MAP4K5: variants seen among roughly 807,000 people sequenced by gnomAD.
The protein encoded by MAP4K5 is mitogen-activated protein kinase kinase kinase kinase 5.
MAP4K5 carries 82 observed loss-of-function variants against 135.6 expected under a neutral mutation model. That is an observed-to-expected ratio of 0.60 (90% CI 0.51 to 0.73). The LOEUF is 0.73. Among genes scored for constraint, MAP4K5 ranks in the 30% least tolerant of loss-of-function variants. The pLI is 0.00. For synonymous variants in MAP4K5, 347 were observed against 335.0 expected (o/e 1.04, Z -0.39); for missense variants, 907 against 1,010.9 (o/e 0.90, Z 1.39).
At chr14:50,515,846 T>C (rs2038023879) in intron 2 of MAP4K5, among the ~76,000 whole-genome samples, 1 of 152,176 alleles carries the variant, frequency 6.6e-6, no homozygotes, top group African/African-American at 2.4e-5. Context: ...AACCATCTAT[T>C]TCTAGGGCAC....
chr14:50,437,359 T>C, intron 26 of MAP4K5, 117 bp downstream of exon 26: 1 of 765,552 alleles, frequency 1.3e-6, no homozygotes, highest in Non-Finnish European at 2.1e-6. Context: ...AACTTCTTAC[T>C]AAACACAAAT....
At chr14:50,422,734 T>C (rs191478810) in intron 32 of MAP4K5, among the ~76,000 whole-genome samples, 4 of 152,244 alleles carry the variant, frequency 2.6e-5, no homozygotes, top group Admixed American at 2.6e-4. Flanking sequence ...CTTTAGAAAC[T>C]GAACCAGGCA....
At chr14:50,465,776 C>A (rs990100231) in intron 11 of MAP4K5, among the ~76,000 whole-genome samples, 7 of 152,028 alleles carry the variant, frequency 4.6e-5, no homozygotes, top group Non-Finnish European at 8.8e-5. Flanking sequence ...TATGAGAACA[C>A]TGGATTATAA....
chr14:50,443,748 G>A lies in MAP4K5; in HGVS notation c.1460C>T (p.Pro487Leu), dbSNP rs752548750. 6 of 1,599,508 alleles carry A rather than the reference G, an allele frequency of 3.8e-6. No homozygotes were observed. The highest frequency in any genetic ancestry group is 5.1e-6 in the Non-Finnish European group (6 of 1,175,978). Reference sequence around the variant, plus strand: ...CCTTACCAGAACTTTTGGGGTGGGTGGAAGGCCATTGATGGCTGGTTTCTA... The same window carrying A: ...CCTTACCAGAACTTTTGGGGTGGGTAGAAGGCCATTGATGGCTGGTTTCTA... ...DFPKPAINGL[P>L]PTPKVLMGAC... Residue 487 changes from proline to leucine, a missense_variant, in exon 20 of 33, where the codon CCA (proline) becomes CTA (leucine). Pro to Leu is a moderately conservative substitution (Grantham distance 98, BLOSUM62 -3). This residue lies in a region of MAP4K5 where 690 missense variants were observed against 777.4 expected (regional missense o/e 0.89). Coordinates refer to ENST00000682126, the MANE Select transcript of MAP4K5 (RefSeq NM_006575.6).
chr14:50,548,465 G>A (rs2038662021), intron 1 of MAP4K5, among the ~76,000 whole-genome samples: 1 of 152,150 alleles, frequency 6.6e-6, no homozygotes, highest in Non-Finnish European at 1.5e-5. Context: ...AGGGTTTGTG[G>A]CAAAAGCAGC....
intron 16 of MAP4K5, 143 bp from the exon 17 acceptor site, chr14:50,446,264 A>T (rs1280469316): frequency 3.2e-5 from 16 of 494,742 alleles, no homozygotes; most frequent in Non-Finnish European, 2.5e-5. Context: ...AATCTTTAGG[A>T]AGACCTAAGA....
intron 30 of MAP4K5, among the ~76,000 whole-genome samples, chr14:50,428,189 C>A (rs1221150014): frequency 1.3e-5 from 2 of 152,058 alleles, no homozygotes; most frequent in Admixed American, 1.3e-4. Flanking sequence ...AAATGTAGCA[C>A]TAATCATGTT....
intron 2 of MAP4K5, among the ~76,000 whole-genome samples, chr14:50,542,098 T>A (rs2038571308): frequency 6.6e-6 from 1 of 150,854 alleles, no homozygotes; most frequent in Non-Finnish European, 1.5e-5. Context: ...AAGGCAACTC[T>A]TGATTTACTT....
chr14:50,468,860 G>T, intron 9 of MAP4K5, 78 bp from the exon 10 acceptor site: 1 of 1,371,802 alleles, frequency 7.3e-7, no homozygotes. Context: ...ATAATCACCA[G>T]ACTTGTTGGA....
chr14:50,512,233 A>T (rs1429828758), intron 2 of MAP4K5, among the ~76,000 whole-genome samples: 2 of 152,178 alleles, frequency 1.3e-5, no homozygotes, highest in Admixed American at 1.3e-4. Flanking sequence ...TAATTTAAAG[A>T]TAAATTATTT....
At chr14:50,464,494 C>T (rs761182761) in intron 11 of MAP4K5, among the ~76,000 whole-genome samples, 7 of 151,910 alleles carry the variant, frequency 4.6e-5, no homozygotes, top group Middle Eastern at 3.2e-3. Flanking sequence ...AAGAGTTGGA[C>T]GGCACGAAAG....
intron 2 of MAP4K5, among the ~76,000 whole-genome samples, chr14:50,521,884 T>C (rs1043514767): frequency 2.3e-4 from 35 of 152,208 alleles, no homozygotes; most frequent in African/African-American, 7.5e-4. Context: ...AGCCTTCTAA[T>C]AAAACTCTCC....
At chr14:50,540,393 G>A (rs1239050647) in intron 2 of MAP4K5, among the ~76,000 whole-genome samples, 2 of 152,164 alleles carry the variant, frequency 1.3e-5, no homozygotes, top group Non-Finnish European at 2.9e-5. Flanking sequence ...CTGAATCTTA[G>A]ACATAAACCA....
rs1452447000 is a variant in MAP4K5 at position 50,428,661 on chromosome 14, C to T, written c.2326+1G>A. The T allele has an allele frequency of 3.4e-6, 5 of 1,479,678 alleles. 1 individual carries two copies. The highest frequency in any genetic ancestry group is 4.5e-6 in the Non-Finnish European group (5 of 1,105,820). 91.7% of individuals were successfully genotyped at this position (1,479,678 alleles called of 1,614,324 possible). ...TGATTTATGAAAAAAAGGAAACTTA[C>T]CTACAGATTCAATGCGAAAATCAAA... On this transcript the variant is annotated splice_donor_variant, in intron 30 of 32. Transcript: ENST00000682126. LOFTEE classifies it high-confidence loss of function.
At chr14:50,529,183 G>A (rs1290394792) in intron 2 of MAP4K5, among the ~76,000 whole-genome samples, 1 of 151,918 alleles carries the variant, frequency 6.6e-6, no homozygotes, top group East Asian at 1.9e-4. Context: ...AGGAGTTCGA[G>A]ACCAGACTGG....
chr14:50,521,043 A>T (rs935440016), intron 2 of MAP4K5, among the ~76,000 whole-genome samples: 11 of 151,126 alleles, frequency 7.3e-5, no homozygotes, highest in African/African-American at 2.7e-4. Flanking sequence ...CTGGTCTCAA[A>T]CTCCTGACCT....
chr14:50,523,160 A>C (rs1301979235), intron 2 of MAP4K5, among the ~76,000 whole-genome samples: 1 of 152,022 alleles, frequency 6.6e-6, no homozygotes, highest in Non-Finnish European at 1.5e-5. Flanking sequence ...AAAAATACAA[A>C]ATTAGCCGGG....
intron 3 of MAP4K5, among the ~76,000 whole-genome samples, chr14:50,487,551 C>A (rs2037392166): frequency 6.6e-6 from 1 of 152,040 alleles, no homozygotes; most frequent in East Asian, 1.9e-4. Flanking sequence ...TATTTGTAAC[C>A]TGGGAAAACA....
At chr14:50,511,983 C>T (rs566233577) in intron 2 of MAP4K5, among the ~76,000 whole-genome samples, 11 of 152,146 alleles carry the variant, frequency 7.2e-5, no homozygotes, top group African/African-American at 2.6e-4. Flanking sequence ...CATCTCATTA[C>T]ATATTTGTCA....
Sources: gnomAD v4.1 joint callset for allele counts (sites outside exome capture counted in the v4.1 genomes callset) on GRCh38, gnomAD v4.1.1 for gene constraint, gnomAD v4.1.1 regional missense constraint, MANE v1.5 for transcripts, NCBI Gene and HGNC (gene_info 2026-07-23, HGNC 2026-07-21) for gene names.